Variants in ZNF430 observed in about 807,000 individuals in gnomAD.
ZNF430 encodes the protein zinc finger protein 430.
ZNF430 carries 35 observed loss-of-function variants against 56.7 expected under a neutral mutation model. That is an observed-to-expected ratio of 0.62 (90% CI 0.47 to 0.82). The LOEUF is 0.82. Ranked by LOEUF, ZNF430 falls within the 40% of genes least tolerant of loss-of-function variation. The probability of loss-of-function intolerance (pLI) is 0.00; values close to 1 mark genes in which losing one functional copy is unlikely to be tolerated. For missense variants in ZNF430, 574 were observed against 661.0 expected, an observed-to-expected ratio of 0.87 and a Z score of 1.44; for synonymous variants, 212 against 224.3, an observed-to-expected ratio of 0.94 and a Z score of 0.49.
chr19:21,033,887 G>C (rs527972791), intron 3 of ZNF430, among the ~76,000 whole-genome samples, 199 bp from the exon 4 acceptor site: 14 of 152,138 alleles, frequency 9.2e-5, no homozygotes, highest in African/African-American at 2.2e-4. Context: ...ACCAATTTTT[G>C]ATTAATGAAT....
rs1974279993 is a variant in ZNF430 at position 21,020,690 on chromosome 19, C to G, written c.-111C>G. The G allele has an allele frequency of 6.6e-7, 1 of 1,510,844 alleles. No individual in the cohort carries two copies. The highest frequency in any genetic ancestry group is 1.7e-5 in the Admixed American group (1 of 58,406). The allele number at this position is 1,510,844 out of a possible 1,614,324, so 93.6% of individuals were successfully genotyped here. A position where few individuals can be genotyped will look rare whatever the true frequency, so the allele number is the denominator to read the frequency against. On this transcript the variant is annotated 5_prime_UTR_variant, in exon 1 of 5. Transcript: ENST00000261560. ...CTGTGGCCTGAGCTCCAGGTCTCGT[C>G]TTCAGCGCTCTGTGTCCTCTGCTCC...
In ZNF430 at chr19:21,056,611, G is replaced by T; in HGVS notation, c.323-20G>T. 6.7e-7 allele frequency: 1 copy of T among 1,481,876 alleles called. No individual in the cohort carries two copies. The highest frequency in any genetic ancestry group is 9.0e-7 in the Non-Finnish European group (1 of 1,112,818). The allele number at this position is 1,481,876 out of a possible 1,614,324, so 91.8% of individuals were successfully genotyped here. A position where few individuals can be genotyped will look rare whatever the true frequency, so the allele number is the denominator to read the frequency against. On this transcript the variant is annotated intron_variant, in intron 4 of 4. Transcript: ENST00000261560. ...CTGAGTCTAGTAAATGGAGTAATTT[G>T]TTATTTTTATTTCTTTCAGTTACAT... is the stretch of plus-strand genomic sequence containing the variant.
chr19:21,030,124 C>T (rs1394591265), intron 2 of ZNF430, among the ~76,000 whole-genome samples: 3 of 151,588 alleles, frequency 2.0e-5, no homozygotes, highest in Non-Finnish European at 2.9e-5. Flanking sequence ...CTTACAGAAA[C>T]ATTCCATTTA....
In ZNF430 at chr19:21,057,550, G is replaced by A. The variant is rs143247089; in HGVS notation, c.1242G>A (p.Ser414=). ...EECGKGFNWS[S]TLTKHKRIHT... is the part of the protein sequence containing the mutation. ...GTGGCAAAGGCTTTAATTGGTCCTC[G>A]ACCCTTACTAAACATAAAAGAATTC... The change falls in exon 5 of 5, where the codon TCG becomes TCA. Residue 414 remains serine, a synonymous_variant. Transcript: ENST00000261560. 2.1e-5 allele frequency: 33 copies of A among 1,584,422 alleles called. 1 individual carries two copies. Among genetic ancestry groups the A allele is most frequent in the African/African-American group, 1.6e-4 (11 of 67,198 alleles).
At chr19:21,046,679 T>C (rs933054550) in intron 4 of ZNF430, among the ~76,000 whole-genome samples, 2 of 152,182 alleles carry the variant, frequency 1.3e-5, no homozygotes, top group Non-Finnish European at 2.9e-5. Context: ...TCTTACGGCT[T>C]GTAGGGTTTC....
chr19:21,041,953 C>G (rs1367450948), intron 4 of ZNF430, among the ~76,000 whole-genome samples: 1 of 152,148 alleles, frequency 6.6e-6, no homozygotes, highest in African/African-American at 2.4e-5. Flanking sequence ...ACCTCGTGAT[C>G]TGCCCACCTC....
intron 4 of ZNF430, among the ~76,000 whole-genome samples, chr19:21,048,634 C>T (rs1327463240): frequency 2.0e-5 from 3 of 152,032 alleles, no homozygotes; most frequent in South Asian, 2.1e-4. Flanking sequence ...TCCCCACATT[C>T]CCCCCTTTTC....
chr19:21,026,010 A>G (rs541271033), intron 2 of ZNF430: 2 of 384,418 alleles, frequency 5.2e-6, no homozygotes, highest in South Asian at 4.2e-5. Flanking sequence ...CCCCAGATCC[A>G]TGGCATGGTT....
At chr19:21,031,961 A>T (rs1234725953) in intron 2 of ZNF430, among the ~76,000 whole-genome samples, 1 of 152,194 alleles carries the variant, frequency 6.6e-6, no homozygotes, top group Non-Finnish European at 1.5e-5. Flanking sequence ...CATTCTCTAC[A>T]TCATGGCTTC....
rs534155163 is a variant in ZNF430, at chr19:21,033,210, C to T, written c.97-246C>T. Among the ~76,000 whole-genome samples, 7 of 151,632 alleles carry T rather than the reference C, an allele frequency of 4.6e-5. No individual in the cohort carries two copies. The East Asian group carries it at 5.8e-4, about 13-fold the overall frequency. ...TCTCTACTAAAAATACAAAATTAGC[C>T]GAATGTAGTGGTGCATGCCTGTAAT... On this transcript the variant is annotated intron_variant, in intron 2 of 4. Coordinates refer to ENST00000261560, the MANE Select transcript of ZNF430 (RefSeq NM_025189.4).
intron 2 of ZNF430, among the ~76,000 whole-genome samples, chr19:21,023,304 G>GT (rs1432727672): frequency 3.9e-5 from 6 of 152,092 alleles, no homozygotes; most frequent in Non-Finnish European, 8.8e-5. Flanking sequence ...AGACACATCT[G>GT]TTTTTTCATC....
chr19:21,022,666 CCCTTCAGTT>C, intron 1 of ZNF430, 114 bp from the exon 2 acceptor site: 1 of 754,144 alleles, frequency 1.3e-6, no homozygotes, highest in South Asian at 1.5e-5. Flanking sequence ...TCCTCAGTCA[CCCTTCAGTT>C]TTTTTCTGGT....
chr19:21,037,333 G>T (rs112867162), intron 4 of ZNF430, among the ~76,000 whole-genome samples: 1 of 147,544 alleles, frequency 6.8e-6, no homozygotes. Flanking sequence ...GGTCAGGCTG[G>T]TCTCAAACTC....
chr19:21,032,905 A>AT (rs1260259487), intron 2 of ZNF430, among the ~76,000 whole-genome samples: 3 of 152,174 alleles, frequency 2.0e-5, no homozygotes, highest in African/African-American at 7.2e-5. Context: ...AAACTTTATG[A>AT]TGTAAATATA....
chr19:21,022,462 A>G (rs1178273077), intron 1 of ZNF430, among the ~76,000 whole-genome samples: 3 of 152,172 alleles, frequency 2.0e-5, no homozygotes, highest in East Asian at 1.9e-4. Flanking sequence ...AAAGTATTAA[A>G]TGGTGCTTTT....
chr19:21,049,506 G>A (rs990231383), intron 4 of ZNF430: 13 of 151,994 alleles, frequency 8.6e-5, no homozygotes, highest in African/African-American at 2.2e-4. Context: ...TATATGCAGA[G>A]TCTGTGTTTC....
chr19:21,034,292 C>A, intron 4 of ZNF430, 108 bp downstream of exon 4: 2 of 885,334 alleles, frequency 2.3e-6, no homozygotes, highest in South Asian at 2.3e-5. Flanking sequence ...CAAATATTTT[C>A]TGGGAAGCCT....
intron 4 of ZNF430, among the ~76,000 whole-genome samples, chr19:21,055,974 A>G (rs536652159): frequency 6.6e-6 from 1 of 152,302 alleles, no homozygotes; most frequent in South Asian, 2.1e-4. Context: ...ATGTGGCAGT[A>G]TTTTAATTGT....
intron 4 of ZNF430, among the ~76,000 whole-genome samples, chr19:21,044,786 A>G (rs1968159941): frequency 1.3e-5 from 2 of 152,124 alleles, no homozygotes; most frequent in Admixed American, 6.5e-5. Context: ...TCAGGATTCA[A>G]ATTTTTCCTG....
Sources: gnomAD v4.1 joint callset for allele counts (sites outside exome capture counted in the v4.1 genomes callset) on GRCh38, gnomAD v4.1.1 for gene constraint, MANE v1.5 for transcripts, NCBI Gene and HGNC (gene_info 2026-07-23, HGNC 2026-07-21) for gene names.